CNTN4: variants seen among roughly 807,000 people sequenced by gnomAD.
CNTN4 encodes contactin-4.
A neutral mutation model predicts 122.5 loss-of-function variants in CNTN4; 77 were observed. The observed-to-expected ratio is 0.63, with a 90% CI of 0.52 to 0.76. CNTN4 has a LOEUF of 0.76. Among genes scored for constraint, CNTN4 ranks in the 30% least tolerant of loss-of-function variants. CNTN4 has a pLI of 0.00. For synonymous variants in CNTN4, 512 were observed against 447.0 expected, an observed-to-expected ratio of 1.15 and a Z score of -1.83; for missense variants, 1,256 against 1,259.1, an observed-to-expected ratio of 1.00 and a Z score of 0.04.
At chr3:2,641,158 G>T (rs548680773) in intron 4 of CNTN4, among the ~76,000 whole-genome samples, 1 of 151,818 alleles carries the variant, frequency 6.6e-6, no homozygotes, top group East Asian at 1.9e-4. Flanking sequence ...TGCACCAAAC[G>T]CATTACATTT....
At chr3:2,382,784 AAGAT>A in intron 3 of CNTN4, among the ~76,000 whole-genome samples, 1 of 152,248 alleles carries the variant, frequency 6.6e-6, no homozygotes, top group African/African-American at 2.4e-5. Context: ...GATTAAAAGT[AAGAT>A]AAAGGCCAGG....
chr3:2,996,545 C>A (rs1695553624), intron 14 of CNTN4, among the ~76,000 whole-genome samples: 1 of 151,980 alleles, frequency 6.6e-6, no homozygotes, highest in African/African-American at 2.4e-5. Context: ...TCAGAATAAA[C>A]AAAACAAACA....
intron 2 of CNTN4, among the ~76,000 whole-genome samples, chr3:2,169,413 C>CT (rs1158183839): frequency 0.011 from 1,621 of 148,232 alleles, 13 homozygotes; most frequent in African/African-American, 0.023. Flanking sequence ...ATAAAATAAA[C>CT]TTTTTTTTTT....
intron 2 of CNTN4, among the ~76,000 whole-genome samples, chr3:2,208,778 A>G (rs529636086): frequency 1.3e-5 from 2 of 152,300 alleles, no homozygotes; most frequent in Admixed American, 6.5e-5. Flanking sequence ...GTCAGCAGCC[A>G]TAATACTGAG....
chr3:2,544,568 C>G (rs2078167179), intron 3 of CNTN4, among the ~76,000 whole-genome samples: 1 of 151,922 alleles, frequency 6.6e-6, no homozygotes, highest in Non-Finnish European at 1.5e-5. Context: ...AAACAAAGTA[C>G]AGTATTCAAT....
intron 3 of CNTN4, among the ~76,000 whole-genome samples, chr3:2,388,765 A>G (rs1413740289): frequency 6.6e-6 from 1 of 152,068 alleles, no homozygotes; most frequent in Non-Finnish European, 1.5e-5. Flanking sequence ...GAATCGCTTC[A>G]ACCTGGGAGG....
At chr3:2,485,616 A>T (rs1255591822) in intron 3 of CNTN4, among the ~76,000 whole-genome samples, 2 of 151,680 alleles carry the variant, frequency 1.3e-5, no homozygotes, top group African/African-American at 4.9e-5. Flanking sequence ...GTATCTAGGT[A>T]ATCTGGGGGG....
chr3:2,202,943 T>C (rs560037571), intron 2 of CNTN4, among the ~76,000 whole-genome samples: 15 of 151,526 alleles, frequency 9.9e-5, no homozygotes, highest in African/African-American at 3.6e-4. Flanking sequence ...TGGCTTAGCC[T>C]CCCAAGTAGC....
At chr3:2,335,520 A>G (rs559895017) in intron 2 of CNTN4, among the ~76,000 whole-genome samples, 53 of 152,004 alleles carry the variant, frequency 3.5e-4, no homozygotes, top group Admixed American at 2.2e-3. Flanking sequence ...AATCAAGTGC[A>G]ATAGATTCAG....
intron 2 of CNTN4, among the ~76,000 whole-genome samples, chr3:2,198,250 GT>G (rs2037939268): frequency 6.6e-6 from 1 of 152,122 alleles, no homozygotes; most frequent in Non-Finnish European, 1.5e-5. Context: ...GTTGCTCTCA[GT>G]TTTATTACCA....
intron 13 of CNTN4, among the ~76,000 whole-genome samples, chr3:2,957,442 T>C (rs1666519463): frequency 6.6e-6 from 1 of 152,162 alleles, no homozygotes; most frequent in Non-Finnish European, 1.5e-5. Context: ...CTTCTTTTTT[T>C]ATTTCAACTT....
intron 6 of CNTN4, among the ~76,000 whole-genome samples, chr3:2,759,139 T>C (rs952179199): frequency 1.3e-5 from 2 of 152,186 alleles, no homozygotes; most frequent in Non-Finnish European, 2.9e-5. Flanking sequence ...TGTCGTAGTG[T>C]GTATTAGTAC....
At chr3:2,169,051 G>A (rs1003296030) in intron 2 of CNTN4, among the ~76,000 whole-genome samples, 5 of 152,066 alleles carry the variant, frequency 3.3e-5, no homozygotes, top group Non-Finnish European at 5.9e-5. Context: ...AAGTAATAGG[G>A]AACACTTTCT....
intron 3 of CNTN4, among the ~76,000 whole-genome samples, chr3:2,355,893 T>A (rs2044850652): frequency 6.6e-6 from 1 of 152,208 alleles, no homozygotes; most frequent in African/African-American, 2.4e-5. Context: ...TCAATTGTAA[T>A]CTAATTCAAA....
At chr3:2,596,595 TC>T (rs1484879725) in intron 4 of CNTN4, among the ~76,000 whole-genome samples, 1 of 152,180 alleles carries the variant, frequency 6.6e-6, no homozygotes, top group African/African-American at 2.4e-5. Flanking sequence ...GTATTTTTTT[TC>T]ATTTAATCTG....
At chr3:2,556,594 GTTTTATATATGTGTGCATATATAAA>G (rs1203042048) in intron 3 of CNTN4, among the ~76,000 whole-genome samples, 3 of 151,896 alleles carry the variant, frequency 2.0e-5, no homozygotes, top group Non-Finnish European at 4.4e-5. Context: ...GCCCTGGTAA[GTTTTATATATGTGTGCATATATAAA>G]TTTTATATAT....
intron 7 of CNTN4, among the ~76,000 whole-genome samples, chr3:2,857,028 A>T (rs899365977): frequency 6.6e-6 from 1 of 152,140 alleles, no homozygotes; most frequent in Admixed American, 6.5e-5. Flanking sequence ...GTGACAGATG[A>T]CGGTGAGACA....
At chr3:2,308,713 T>G (rs1336065190) in intron 2 of CNTN4, among the ~76,000 whole-genome samples, 1 of 152,086 alleles carries the variant, frequency 6.6e-6, no homozygotes, top group Non-Finnish European at 1.5e-5. Context: ...TGCTTTTAGT[T>G]TTGATTGCTA....
At chr3:2,586,851 A>G (rs1029242152) in intron 4 of CNTN4, among the ~76,000 whole-genome samples, 2 of 152,112 alleles carry the variant, frequency 1.3e-5, no homozygotes, top group African/African-American at 4.8e-5. Flanking sequence ...TTTATCTCTG[A>G]ATTGTTACCT....
Sources: gnomAD v4.1 joint callset for allele counts (sites outside exome capture counted in the v4.1 genomes callset) on GRCh38, gnomAD v4.1.1 for gene constraint, MANE v1.5 for transcripts, NCBI Gene and HGNC (gene_info 2026-07-23, HGNC 2026-07-21) for gene names.